CTNNA2: variants seen among roughly 807,000 people sequenced by gnomAD.
The protein encoded by CTNNA2 is catenin alpha 2.
CTNNA2 carries 42 observed loss-of-function variants against 101.0 expected under a neutral mutation model. That is an observed-to-expected ratio of 0.42 (90% CI 0.32 to 0.54). The LOEUF is 0.54. Ranked by LOEUF, CTNNA2 falls within the 20% of genes least tolerant of loss-of-function variation. CTNNA2 has a pLI of 0.14. For missense variants in CTNNA2, 871 were observed against 1,223.1 expected (o/e 0.71, Z 4.29); for synonymous variants, 450 against 456.4 (o/e 0.99, Z 0.18).
intron 7 of CTNNA2, chr2:80,288,466 A>C (rs976874918): frequency 6.6e-6 from 1 of 152,194 alleles, no homozygotes; most frequent in African/African-American, 2.4e-5. Flanking sequence ...TCTGGAGAGG[A>C]TAACTTCAGT....
intron 3 of CTNNA2, among the ~76,000 whole-genome samples, chr2:79,341,160 G>A (rs1677128656): frequency 6.6e-6 from 1 of 152,124 alleles, no homozygotes; most frequent in African/African-American, 2.4e-5. Flanking sequence ...ACCCAACTCA[G>A]CTATTTCTGA....
At chr2:79,739,083 T>C (rs1671100953) in intron 2 of CTNNA2, among the ~76,000 whole-genome samples, 1 of 150,954 alleles carries the variant, frequency 6.6e-6, no homozygotes, top group Non-Finnish European at 1.5e-5. Context: ...TTTTTTTTTT[T>C]TTCTTTTTTT....
chr2:79,622,142 G>A (rs554645818), intron 1 of CTNNA2, among the ~76,000 whole-genome samples: 10 of 152,104 alleles, frequency 6.6e-5, no homozygotes, highest in Non-Finnish European at 1.2e-4. Flanking sequence ...CCTTAAGAAT[G>A]GCAAAGTCTT....
intron 9 of CTNNA2, among the ~76,000 whole-genome samples, chr2:80,462,691 A>G (rs528799754): frequency 3.3e-4 from 44 of 131,636 alleles, no homozygotes; most frequent in African/African-American, 1.3e-3. Context: ...TTCTCAGCCT[A>G]AAGAGTCACT....
intron 3 of CTNNA2, among the ~76,000 whole-genome samples, chr2:79,843,778 C>T (rs149775441): frequency 6.6e-6 from 1 of 152,262 alleles, no homozygotes; most frequent in Non-Finnish European, 1.5e-5. Context: ...GTACTTACCA[C>T]GATGAAACAC....
At chr2:80,129,350 A>G (rs1206302808) in intron 7 of CTNNA2, among the ~76,000 whole-genome samples, 1 of 152,194 alleles carries the variant, frequency 6.6e-6, no homozygotes, top group Non-Finnish European at 1.5e-5. Flanking sequence ...ATACCATGGC[A>G]GCTTCAAAGG....
At chr2:79,543,069 A>G (rs973121034) in intron 1 of CTNNA2, among the ~76,000 whole-genome samples, 2 of 152,268 alleles carry the variant, frequency 1.3e-5, no homozygotes, top group South Asian at 4.1e-4. Context: ...AAGTATTTTC[A>G]TAAACTTTAG....
intron 2 of CTNNA2, among the ~76,000 whole-genome samples, chr2:79,239,614 A>G (rs973413713): frequency 4.6e-5 from 7 of 152,196 alleles, no homozygotes; most frequent in Non-Finnish European, 1.0e-4. Flanking sequence ...AATCTAGGCA[A>G]TATCATTCAG....
chr2:79,475,636 A>G (rs1295760698), intron 4 of CTNNA2, among the ~76,000 whole-genome samples: 2 of 152,078 alleles, frequency 1.3e-5, no homozygotes, highest in Non-Finnish European at 1.5e-5. Flanking sequence ...ATATCTTTCA[A>G]ATACTCTGAT....
chr2:79,799,425 T>C (rs938587620), intron 3 of CTNNA2, among the ~76,000 whole-genome samples: 1 of 152,156 alleles, frequency 6.6e-6, no homozygotes, highest in Non-Finnish European at 1.5e-5. Context: ...TTGAGGGTTT[T>C]TGTTTTTTCT....
At chr2:80,469,488 C>G (rs763265806) in intron 9 of CTNNA2, among the ~76,000 whole-genome samples, 11 of 152,198 alleles carry the variant, frequency 7.2e-5, no homozygotes, top group Non-Finnish European at 1.5e-4. Context: ...ATATCTGACA[C>G]TAATCCACAA....
At chr2:80,507,741 C>T (rs1391347522) in intron 9 of CTNNA2, among the ~76,000 whole-genome samples, 1 of 152,148 alleles carries the variant, frequency 6.6e-6, no homozygotes, top group Non-Finnish European at 1.5e-5. Flanking sequence ...AGAAAATGCT[C>T]AATGTATAAT....
intron 2 of CTNNA2, among the ~76,000 whole-genome samples, chr2:79,248,778 C>T (rs1674730615): frequency 6.6e-6 from 1 of 152,146 alleles, no homozygotes. Context: ...AGCTTTGTAC[C>T]AAGCAGGAAA....
intron 18 of CTNNA2, among the ~76,000 whole-genome samples, chr2:80,642,154 C>T (rs904990209): frequency 4.6e-5 from 7 of 152,130 alleles, no homozygotes; most frequent in African/African-American, 1.7e-4. Context: ...TTGATGTATA[C>T]TAAGTTGGAC....
chr2:80,314,578 C>A (rs1490890349), intron 7 of CTNNA2, among the ~76,000 whole-genome samples: 1 of 152,124 alleles, frequency 6.6e-6, no homozygotes, highest in Non-Finnish European at 1.5e-5. Context: ...TATGGTTGAT[C>A]CTGATAGATT....
chr2:79,836,055 C>T (rs1679342943), intron 3 of CTNNA2, among the ~76,000 whole-genome samples: 1 of 152,108 alleles, frequency 6.6e-6, no homozygotes, highest in East Asian at 1.9e-4. Flanking sequence ...GTTTCTTTGG[C>T]CTCCTGCCAC....
At chr2:80,497,165 T>G (rs1687540201) in intron 9 of CTNNA2, among the ~76,000 whole-genome samples, 3 of 152,200 alleles carry the variant, frequency 2.0e-5, no homozygotes, top group Non-Finnish European at 4.4e-5. Context: ...TAAACTTAGT[T>G]TTTCAAACTC....
At chr2:79,706,027 G>C (rs186122914) in intron 2 of CTNNA2, among the ~76,000 whole-genome samples, 12 of 152,288 alleles carry the variant, frequency 7.9e-5, no homozygotes, top group Admixed American at 7.2e-4. Flanking sequence ...CTGTATGCCA[G>C]AGGCATGGAA....
At position 80,061,470 on chromosome 2, in the gene CTNNA2, A is replaced by G. The variant is rs148308313; in HGVS notation, c.1056+151673A>G. 4.6e-3 allele frequency among the ~76,000 whole-genome samples: 697 copies of G among 152,290 alleles called. 7 individuals carry two copies. Among genetic ancestry groups the G allele is most frequent in the African/African-American group, 0.016 (655 of 41,572 alleles). ...TAACATTATAAGATTTAATTAAGTCATTTAAAAGTAAAAGGGCATAATATT... is the reference window on the plus strand; with the variant it reads ...TAACATTATAAGATTTAATTAAGTCGTTTAAAAGTAAAAGGGCATAATATT... On this transcript the variant is annotated intron_variant, in intron 7 of 18. Coordinates refer to ENST00000402739, the MANE Select transcript of CTNNA2 (RefSeq NM_001282597.3).
Sources: allele counts gnomAD v4.1 joint callset (sites outside exome capture counted in the v4.1 genomes callset), GRCh38; gene constraint gnomAD v4.1.1; transcripts MANE v1.5; gene names NCBI Gene and HGNC (gene_info 2026-07-23, HGNC 2026-07-21).